TNFSF11: variants seen among roughly 807,000 people sequenced by gnomAD.
TNFSF11 encodes the protein tumor necrosis factor ligand superfamily member 11.
TNFSF11 carries 12 observed loss-of-function variants against 32.2 expected under a neutral mutation model. The ratio of observed to expected loss-of-function variants is 0.37; its 90% CI spans 0.24 to 0.60. The LOEUF (loss-of-function observed/expected upper bound fraction) is 0.60. TNFSF11 is among the 20% of genes least tolerant of loss of function. TNFSF11 has a pLI of 0.66. For synonymous variants in TNFSF11, 172 were observed against 152.1 expected (o/e 1.13, Z -0.96); for missense variants, 345 against 398.0 (o/e 0.87, Z 1.13).
chr13:42,588,161 T>G lies in TNFSF11; in HGVS notation c.387+6868T>G, dbSNP rs574419878. Among the ~76,000 whole-genome samples the G allele has an allele frequency of 5.9e-5, 9 of 152,354 alleles. No homozygotes were observed. The South Asian group carries it at 8.3e-4, about 14-fold the overall frequency. On this transcript the variant is annotated intron_variant, in intron 2 of 4. Coordinates refer to ENST00000398795, the MANE Select transcript of TNFSF11 (RefSeq NM_003701.4). Reference sequence around the variant, plus strand: ...ACTGCAATTCAACCCCAATCACATTTAGCGTTTATAAAAGCTGTCTTTATG... The same window carrying G: ...ACTGCAATTCAACCCCAATCACATTGAGCGTTTATAAAAGCTGTCTTTATG...
chr13:42,597,393 G>A (rs1297263674), intron 2 of TNFSF11, among the ~76,000 whole-genome samples: 4 of 147,976 alleles, frequency 2.7e-5, no homozygotes, highest in African/African-American at 1.0e-4. Flanking sequence ...TCTGAGAGGT[G>A]CTGCTGGTTA....
upstream of TNFSF11, among the ~76,000 whole-genome samples, chr13:42,570,713 TAATAC>T (rs1873034389): frequency 6.6e-6 from 1 of 152,186 alleles, no homozygotes; most frequent in South Asian, 2.1e-4. Flanking sequence ...ATTGTTATAA[TAATAC>T]AATCACTCTC....
intron 2 of TNFSF11, among the ~76,000 whole-genome samples, chr13:42,598,625 C>T (rs946237790): frequency 2.0e-5 from 3 of 152,130 alleles, no homozygotes; most frequent in Non-Finnish European, 4.4e-5. Flanking sequence ...AAGAAAAATG[C>T]CCAAAAGCCA....
intron 2 of TNFSF11, among the ~76,000 whole-genome samples, chr13:42,593,135 C>T (rs1868596281): frequency 6.6e-6 from 1 of 152,186 alleles, no homozygotes; most frequent in African/African-American, 2.4e-5. Flanking sequence ...TTAGCATAAA[C>T]TCAGGTAAGG....
At chr13:42,584,510 G>A (rs1361125824) in intron 2 of TNFSF11, among the ~76,000 whole-genome samples, 3 of 152,086 alleles carry the variant, frequency 2.0e-5, no homozygotes, top group Non-Finnish European at 2.9e-5. Flanking sequence ...ATCCCACTTC[G>A]TTTGCGATTT....
intron 2 of TNFSF11, among the ~76,000 whole-genome samples, chr13:42,585,660 G>C (rs1873858395): frequency 6.6e-6 from 1 of 152,182 alleles, no homozygotes; most frequent in South Asian, 2.1e-4. Flanking sequence ...CTGCCAGCCG[G>C]GGGGTGAGGA....
In TNFSF11 at chr13:42,606,609, C is replaced by G. The variant is rs759550853; in HGVS notation, c.645C>G (p.Tyr215Ter). The change falls in exon 5 of 5, where the codon TAC (tyrosine) becomes TAG (stop). Residue 215 changes from tyrosine to a stop codon, truncating the protein, a stop_gained. Coordinates refer to ENST00000398795, the MANE Select transcript of TNFSF11 (RefSeq NM_003701.4). LOFTEE classifies it high-confidence loss of function. The stretch of plus-strand genomic sequence containing the variant: ...TAGTTAATCAGGATGGCTTTTATTA[C>G]CTGTATGCCAACATTTGCTTTCGAC... Reference protein sequence around the residue: ...KLIVNQDGFYYLYANICFRHH... With the variant: ...KLIVNQDGFY 1 of 1,614,064 alleles carries G rather than the reference C, an allele frequency of 6.2e-7. No homozygotes were observed. The highest frequency in any genetic ancestry group is 1.3e-5 in the African/African-American group (1 of 74,918).
chr13:42,569,601 T>G (rs1488792496), upstream of TNFSF11, among the ~76,000 whole-genome samples: 2 of 150,100 alleles, frequency 1.3e-5, no homozygotes, highest in African/African-American at 2.4e-5. Context: ...AGAGAGAGAT[T>G]AGAGTTAGAG....
At chr13:42,580,513 T>C (rs1174683843) in intron 1 of TNFSF11, among the ~76,000 whole-genome samples, 1 of 152,098 alleles carries the variant, frequency 6.6e-6, no homozygotes, top group African/African-American at 2.4e-5. Context: ...CATTCCAGCT[T>C]GAGAAACACT....
chr13:42,580,376 C>T (rs1873542452), intron 1 of TNFSF11, among the ~76,000 whole-genome samples: 3 of 152,190 alleles, frequency 2.0e-5, no homozygotes, highest in Admixed American at 2.0e-4. Flanking sequence ...CAATTCCTTA[C>T]ATTACAGGAA....
At position 42,607,067 on chromosome 13, in the gene TNFSF11, G is replaced by A; in HGVS notation, c.*149G>A. 1 of 937,872 alleles carries A rather than the reference G, an allele frequency of 1.1e-6. No individual in the cohort carries two copies. The highest frequency in any genetic ancestry group is 1.6e-5 in the South Asian group (1 of 62,784). The allele number at this position is 937,872 out of a possible 1,614,324, so 58.1% of individuals were successfully genotyped here. ...CAGTATCCATGCTCTTGACCTTGTA[G>A]AGAACACGCGTATTTACAGCCAGTG... On this transcript the variant is annotated 3_prime_UTR_variant, in exon 5 of 5. Coordinates refer to ENST00000398795, the MANE Select transcript of TNFSF11 (RefSeq NM_003701.4).
At chr13:42,572,582 T>A (rs1873108978), upstream of TNFSF11, among the ~76,000 whole-genome samples, 2 of 152,034 alleles carry the variant, frequency 1.3e-5, no homozygotes, top group South Asian at 4.2e-4. Context: ...CTACAAGGAG[T>A]AGAATTAACG....
At position 42,600,804 on chromosome 13, in the gene TNFSF11, A is replaced by T; in HGVS notation, c.433+7A>T. 6.2e-7 allele frequency: 1 copy of T among 1,614,192 alleles called. No homozygotes were observed. Among genetic ancestry groups the T allele is most frequent in the Non-Finnish European group, 8.5e-7 (1 of 1,180,018 alleles). On this transcript the variant is annotated splice_region_variant and intron_variant, in intron 3 of 4. Transcript: ENST00000398795. ...CACATCAGAGCAGAGAAAGGTAAGCATGGATCCATACATCTGTATGAAATC... is the reference window on the plus strand; with the variant it reads ...CACATCAGAGCAGAGAAAGGTAAGCTTGGATCCATACATCTGTATGAAATC...
intron 2 of TNFSF11, among the ~76,000 whole-genome samples, chr13:42,598,273 G>A (rs527876099): frequency 6.6e-6 from 1 of 152,270 alleles, no homozygotes; most frequent in Admixed American, 6.5e-5. Flanking sequence ...AGGCAGATCA[G>A]AGCTAGAGGG....
intron 2 of TNFSF11, among the ~76,000 whole-genome samples, chr13:42,590,984 A>G (rs1868439811): frequency 6.6e-6 from 1 of 152,218 alleles, no homozygotes; most frequent in Admixed American, 6.5e-5. Flanking sequence ...TCTTCCAATT[A>G]GCAGACTTCT....
chr13:42,575,100 C>T lies in TNFSF11; in HGVS notation c.219+578C>T, dbSNP rs540732298. Among the ~76,000 whole-genome samples the T allele has an allele frequency of 1.9e-3, 285 of 152,258 alleles. 1 individual carries two copies. The highest frequency in any genetic ancestry group is 3.4e-3 in the Non-Finnish European group (229 of 68,018). Reference sequence around the variant, plus strand: ...AATGGGTGGGCAGAATGACACGGCGCGACCAGAGAGGCGCGGGCTCGGGAT... The same window carrying T: ...AATGGGTGGGCAGAATGACACGGCGTGACCAGAGAGGCGCGGGCTCGGGAT... On this transcript the variant is annotated intron_variant, in intron 1 of 4. Transcript: ENST00000398795.
At chr13:42,592,737 G>A (rs1473108486) in intron 2 of TNFSF11, among the ~76,000 whole-genome samples, 2 of 152,192 alleles carry the variant, frequency 1.3e-5, no homozygotes, top group South Asian at 2.1e-4. Flanking sequence ...ATCCCCAAGT[G>A]TCAAGGGTGG....
chr13:42,563,145 C>G (rs1297948229), intron 1 of TNFSF11, among the ~76,000 whole-genome samples: 1 of 152,234 alleles, frequency 6.6e-6, no homozygotes, highest in Non-Finnish European at 1.5e-5. Context: ...TATAACTTTA[C>G]TAGTCAAATA....
chr13:42,600,222 T>C (rs935755499), intron 2 of TNFSF11, among the ~76,000 whole-genome samples: 5 of 152,250 alleles, frequency 3.3e-5, no homozygotes, highest in Non-Finnish European at 7.3e-5. Flanking sequence ...TAAAGGCTCT[T>C]AGACTTCCAT....
Sources: allele counts gnomAD v4.1 joint callset (sites outside exome capture counted in the v4.1 genomes callset), GRCh38; gene constraint gnomAD v4.1.1; transcripts MANE v1.5; gene names NCBI Gene and HGNC (gene_info 2026-07-23, HGNC 2026-07-21).